POU2F1: variants seen among roughly 807,000 people sequenced by gnomAD.
POU2F1 encodes POU domain, class 2, transcription factor 1.
A neutral mutation model predicts 84.9 loss-of-function variants in POU2F1; 16 were observed. That is an observed-to-expected ratio of 0.19 (90% confidence interval 0.13 to 0.29). The LOEUF (loss-of-function observed/expected upper bound fraction) is 0.29. Among genes scored for constraint, POU2F1 ranks in the 10% least tolerant of loss-of-function variants. The pLI is 1.00. For missense variants in POU2F1, 738 were observed against 942.6 expected (o/e 0.78, Z 2.84); for synonymous variants, 368 against 368.3 (o/e 1.00, Z 0.01).
At chr1:167,348,462 A>G (rs1658342133) in intron 2 of POU2F1, among the ~76,000 whole-genome samples, 1 of 152,192 alleles carries the variant, frequency 6.6e-6, no homozygotes. Context: ...CAATCAATGT[A>G]CAAGGATTCC....
intron 1 of POU2F1, among the ~76,000 whole-genome samples, chr1:167,330,071 G>A (rs1372462233): frequency 6.6e-6 from 1 of 152,048 alleles, no homozygotes; most frequent in African/African-American, 2.4e-5. Context: ...TTAGATATAT[G>A]GTGGCTAATG....
At chr1:167,279,460 T>G (rs566425117) in intron 1 of POU2F1, among the ~76,000 whole-genome samples, 2 of 152,302 alleles carry the variant, frequency 1.3e-5, no homozygotes, top group South Asian at 2.1e-4. Context: ...TCTTGATAAT[T>G]TAGTTATATG....
chr1:167,413,162 AGTGTGTGT>A (rs59744507), intron 15 of POU2F1, 48 bp downstream of exon 15: 1,158 of 1,023,906 alleles, frequency 1.1e-3, no homozygotes, highest in East Asian at 5.3e-3. Flanking sequence ...CGTGTGTGTG[AGTGTGTGT>A]GTGTGTGTGT....
chr1:167,224,084 T>G (rs990339196), intron 1 of POU2F1, among the ~76,000 whole-genome samples: 2 of 152,216 alleles, frequency 1.3e-5, no homozygotes, highest in Non-Finnish European at 2.9e-5. Flanking sequence ...AAGCAAAATT[T>G]CGCTGTTACA....
Position 167,423,496 on chromosome 1 carries a change from CAG to C in POU2F1, c.*7688_*7689del, listed in dbSNP as rs1650767034. ...ATGTTGAAGATTAGAGCACTTGAAACAGAAGTTCTGGGAAAACAAGGTGTGTG... is the reference window on the plus strand; with the variant it reads ...ATGTTGAAGATTAGAGCACTTGAAACAAGTTCTGGGAAAACAAGGTGTGTG... On this transcript the variant is annotated 3_prime_UTR_variant, in exon 16 of 16. Transcript: ENST00000367866. 6.6e-6 allele frequency: 1 copy of C among 152,186 alleles called. No individual in the cohort carries two copies. The highest frequency in any genetic ancestry group is 2.4e-5 in the African/African-American group (1 of 41,436). The allele number at this position is 152,186 out of a possible 1,614,324, so 9.4% of individuals were successfully genotyped here. A position where few individuals can be genotyped will look rare whatever the true frequency, so the allele number is the denominator to read the frequency against.
At chr1:167,282,740 G>A (rs1212689592) in intron 1 of POU2F1, among the ~76,000 whole-genome samples, 2 of 152,114 alleles carry the variant, frequency 1.3e-5, no homozygotes, top group Admixed American at 1.3e-4. Context: ...TCTCAGGGAA[G>A]CCTGCTCTAA....
chr1:167,391,559 C>CTTTTTTTTTTTTTTTTTTTTTTTTTT (rs1175783404), intron 9 of POU2F1, among the ~76,000 whole-genome samples: 1 of 57,876 alleles, frequency 1.7e-5, no homozygotes, highest in Non-Finnish European at 3.0e-5. Context: ...TTATATATAT[C>CTTTTTTTTTTTTTTTTTTTTTTTTTT]TTTTTTTTTT....
chr1:167,253,376 G>GCCCC (rs57789204), intron 1 of POU2F1, among the ~76,000 whole-genome samples: 2 of 121,566 alleles, frequency 1.6e-5, no homozygotes, highest in African/African-American at 4.0e-5. Flanking sequence ...TTATTTTTCT[G>GCCCC]CCCCCCCCCC....
intron 1 of POU2F1, among the ~76,000 whole-genome samples, chr1:167,286,830 C>A (rs1653561269): frequency 6.6e-6 from 1 of 152,148 alleles, no homozygotes. Context: ...ATTAGATAAC[C>A]TGAAAAATTC....
chr1:167,235,983 T>C (rs1024460253), intron 1 of POU2F1, among the ~76,000 whole-genome samples: 4 of 152,236 alleles, frequency 2.6e-5, no homozygotes, highest in Admixed American at 6.5e-5. Context: ...CTCTATATTT[T>C]TTATCTACAG....
At chr1:167,315,583 T>G (rs1487654865) in intron 1 of POU2F1, among the ~76,000 whole-genome samples, 2 of 152,154 alleles carry the variant, frequency 1.3e-5, no homozygotes, top group Non-Finnish European at 2.9e-5. Flanking sequence ...CAAGACCAGC[T>G]TGAGCAACAT....
At chr1:167,393,653 A>T (rs1010868112) in intron 9 of POU2F1, among the ~76,000 whole-genome samples, 2 of 152,120 alleles carry the variant, frequency 1.3e-5, no homozygotes, top group African/African-American at 4.8e-5. Context: ...CACATGCACC[A>T]CACACAGCTA....
intron 2 of POU2F1, among the ~76,000 whole-genome samples, chr1:167,353,231 C>CT (rs1352569713): frequency 6.6e-6 from 1 of 152,046 alleles, no homozygotes; most frequent in African/African-American, 2.4e-5. Flanking sequence ...CTGTTTTGCT[C>CT]TTTCGTTTTC....
chr1:167,340,431 C>CTTTTTTTTTT (rs761386225), intron 2 of POU2F1, among the ~76,000 whole-genome samples: 34 of 122,314 alleles, frequency 2.8e-4, no homozygotes, highest in African/African-American at 8.3e-4. Flanking sequence ...TTCTTTTTTT[C>CTTTTTTTTTT]TTTTTTTTTT....
intron 13 of POU2F1, among the ~76,000 whole-genome samples, chr1:167,406,250 CATT>C (rs1224442453): frequency 6.6e-6 from 1 of 152,092 alleles, no homozygotes; most frequent in African/African-American, 2.4e-5. Context: ...TAATGTAACA[CATT>C]ATAATAGTAG....
At position 167,383,968 on chromosome 1, in the gene POU2F1, G is replaced by A. The variant is rs1214117119; in HGVS notation, c.813+17G>A. On this transcript the variant is annotated intron_variant, in intron 8 of 15. Coordinates refer to ENST00000367866, the MANE Select transcript of POU2F1 (RefSeq NM_002697.4). ...ACCTCCCAGGTCAGTTTTCTTCTAT[G>A]GGGGCTGCTTTCTCTTATCATATTG... is the stretch of plus-strand genomic sequence containing the variant. 4.4e-6 allele frequency: 7 copies of A among 1,587,800 alleles called. No individual in the cohort carries two copies. Among genetic ancestry groups the A allele is most frequent in the Non-Finnish European group, 6.0e-6 (7 of 1,160,842 alleles).
chr1:167,237,327 T>C (rs564384853), intron 1 of POU2F1, among the ~76,000 whole-genome samples: 6 of 152,312 alleles, frequency 3.9e-5, no homozygotes, highest in Admixed American at 3.9e-4. Context: ...TAGATTCATA[T>C]TGTTGCATGC....
At position 167,340,431 on chromosome 1, in the gene POU2F1, C is replaced by CTTTT. The variant is rs761386225; in HGVS notation, c.127+7910_127+7913dup. ...TATGTTGTTTCTTTTTTCTTTTTTT[C>CTTTT]TTTTTTTTTTTTTTTTTGGAGACAG... On this transcript the variant is annotated intron_variant, in intron 2 of 15. Transcript: ENST00000367866. 2.2e-4 allele frequency among the ~76,000 whole-genome samples: 27 copies of CTTTT among 122,312 alleles called. 1 individual carries two copies. The highest frequency in any genetic ancestry group is 8.3e-4 in the African/African-American group (24 of 29,026). 80.2% of individuals were successfully genotyped at this position (122,312 alleles called of 152,430 possible).
intron 1 of POU2F1, among the ~76,000 whole-genome samples, chr1:167,272,932 A>T (rs1652473969): frequency 1.3e-5 from 2 of 152,316 alleles, no homozygotes; most frequent in South Asian, 4.1e-4. Context: ...ATCTGAGACA[A>T]GGCAAGTCTC....
Sources: gnomAD v4.1 joint callset for allele counts (sites outside exome capture counted in the v4.1 genomes callset) on GRCh38, gnomAD v4.1.1 for gene constraint, MANE v1.5 for transcripts, NCBI Gene and HGNC (gene_info 2026-07-23, HGNC 2026-07-21) for gene names.